Variants in TNNI3K observed in about 807,000 individuals in gnomAD.
TNNI3K encodes serine/threonine-protein kinase TNNI3K.
Under a neutral mutation model 114.5 loss-of-function variants are expected in TNNI3K, and 140 were observed. The observed-to-expected ratio is 1.22, with a 90% CI of 1.07 to 1.41. The LOEUF (loss-of-function observed/expected upper bound fraction) is 1.41. Ranked by LOEUF, TNNI3K falls within the 40% of genes most tolerant of loss-of-function variation. The pLI is 0.00. For missense variants in TNNI3K, 1,125 were observed against 1,007.6 expected (o/e 1.12, Z -1.58); for synonymous variants, 347 against 347.5 (o/e 1.00, Z 0.02).
At chr1:74,450,557 GA>G (rs947674572) in intron 20 of TNNI3K, among the ~76,000 whole-genome samples, 77 of 151,500 alleles carry the variant, frequency 5.1e-4, no homozygotes, top group African/African-American at 1.4e-3. Flanking sequence ...AAATTTACAT[GA>G]AAAAAAACCC....
intron 5 of TNNI3K, among the ~76,000 whole-genome samples, chr1:74,310,774 T>C (rs1658945296): frequency 6.6e-6 from 1 of 152,220 alleles, no homozygotes; most frequent in Non-Finnish European, 1.5e-5. Flanking sequence ...TTAATGTTTT[T>C]TAATGAACTA....
At chr1:74,450,169 G>A (rs1437166072) in intron 20 of TNNI3K, among the ~76,000 whole-genome samples, 4 of 149,260 alleles carry the variant, frequency 2.7e-5, no homozygotes, top group Non-Finnish European at 5.9e-5. Context: ...GGTACATAAC[G>A]AAATGAAGGC....
chr1:74,298,637 A>G (rs149702945), intron 5 of TNNI3K, among the ~76,000 whole-genome samples: 1 of 152,208 alleles, frequency 6.6e-6, no homozygotes, highest in East Asian at 1.9e-4. Flanking sequence ...TCCTCAAATC[A>G]TAATAACTTT....
intron 23 of TNNI3K, among the ~76,000 whole-genome samples, chr1:74,531,517 G>A (rs1002455468): frequency 2.6e-5 from 4 of 152,246 alleles, no homozygotes; most frequent in Middle Eastern, 6.8e-3. Flanking sequence ...GCATAGAAAG[G>A]CATTTACCCC....
chr1:74,401,669 A>T (rs144113090), intron 17 of TNNI3K, among the ~76,000 whole-genome samples: 22 of 152,330 alleles, frequency 1.4e-4, no homozygotes, highest in African/African-American at 4.8e-4. Context: ...TCCCATTAGG[A>T]GGTTAAGAGA....
intron 21 of TNNI3K, among the ~76,000 whole-genome samples, chr1:74,465,369 C>T (rs552071336): frequency 7.7e-4 from 118 of 152,294 alleles, no homozygotes; most frequent in Non-Finnish European, 1.2e-3. Flanking sequence ...GGCCGGTGGG[C>T]GCCACTCCAG....
At chr1:74,422,883 G>A (rs879603319) in intron 17 of TNNI3K, among the ~76,000 whole-genome samples, 1 of 152,058 alleles carries the variant, frequency 6.6e-6, no homozygotes, top group Non-Finnish European at 1.5e-5. Flanking sequence ...CTAATCATGT[G>A]TCACTTCCAT....
chr1:74,363,236 T>G (rs2100504206), intron 11 of TNNI3K, among the ~76,000 whole-genome samples: 1 of 152,038 alleles, frequency 6.6e-6, no homozygotes, highest in Admixed American at 6.6e-5. Flanking sequence ...GGGTTTTGGG[T>G]TTCTTTCCAT....
At chr1:74,337,976 T>C (rs1660560997) in intron 7 of TNNI3K, among the ~76,000 whole-genome samples, 1 of 152,108 alleles carries the variant, frequency 6.6e-6, no homozygotes, top group Non-Finnish European at 1.5e-5. Flanking sequence ...CTAGTGTTTT[T>C]CTATTATGAA....
At chr1:74,493,935 T>C (rs944342751) in intron 23 of TNNI3K, among the ~76,000 whole-genome samples, 2 of 152,172 alleles carry the variant, frequency 1.3e-5, no homozygotes, top group African/African-American at 4.8e-5. Context: ...CAAAGCCATA[T>C]GGCAAAAGGC....
chr1:74,516,599 A>G (rs1201046498), intron 23 of TNNI3K, among the ~76,000 whole-genome samples: 2 of 152,118 alleles, frequency 1.3e-5, no homozygotes, highest in East Asian at 3.9e-4. Context: ...GCTGCTTGAG[A>G]CCTGGACCGT....
chr1:74,367,682 C>T (rs1007764725), intron 12 of TNNI3K, among the ~76,000 whole-genome samples: 1 of 151,916 alleles, frequency 6.6e-6, no homozygotes, highest in Non-Finnish European at 1.5e-5. Context: ...TATCCAGAGA[C>T]AAATTAAATC....
intron 23 of TNNI3K, among the ~76,000 whole-genome samples, chr1:74,530,474 C>T (rs909073109): frequency 7.9e-5 from 12 of 152,144 alleles, no homozygotes; most frequent in African/African-American, 2.6e-4. Flanking sequence ...GAGTCCCTGG[C>T]GCTTAGCAGG....
At chr1:74,329,427 G>T (rs1660082274) in intron 5 of TNNI3K, among the ~76,000 whole-genome samples, 1 of 152,018 alleles carries the variant, frequency 6.6e-6, no homozygotes, top group Non-Finnish European at 1.5e-5. Flanking sequence ...TATTAACAAA[G>T]AAAATTGTTG....
intron 17 of TNNI3K, among the ~76,000 whole-genome samples, chr1:74,413,680 C>T (rs12028841): frequency 0.21 from 31,716 of 152,052 alleles, 4,153 homozygotes; most frequent in Middle Eastern, 0.32. Flanking sequence ...TGAATACAAG[C>T]GCCGAAAATT....
At chr1:74,480,521 G>T (rs1668434947) in intron 21 of TNNI3K, 2 of 717,344 alleles carry the variant, frequency 2.8e-6, no homozygotes, top group Admixed American at 2.0e-5. Context: ...TTGAGGCAGG[G>T]GCCGGAAGGC....
chr1:74,501,973 T>A (rs1669657596), intron 23 of TNNI3K, among the ~76,000 whole-genome samples: 1 of 152,200 alleles, frequency 6.6e-6, no homozygotes, highest in South Asian at 2.1e-4. Flanking sequence ...GAGTGAATTT[T>A]ATTTTTTCTG....
rs780491410 is a variant in TNNI3K, at chr1:74,540,298, C to A, written c.2416C>A (p.Pro806Thr). ...EEMKRSLQYT[P>T]IDKYGYVSDP... is the part of the protein sequence containing the mutation. ...GATGAAAAGAAGTCTTCAATACACA[C>A]CCATTGACAAATATGGTAAGTAGGC... Residue 806 changes from proline (P) to threonine (T), a missense_variant, in exon 24 of 25, where the codon CCC becomes ACC. Physicochemically the swap from Pro to Thr is conservative, Grantham distance 38 (BLOSUM62 -1). Coordinates refer to ENST00000326637, the MANE Select transcript of TNNI3K (RefSeq NM_015978.3). The A allele has an allele frequency of 3.7e-6, 6 of 1,611,582 alleles. No individual in the cohort carries two copies. In the African/African-American group the frequency reaches 5.3e-5, roughly 14 times the overall value.
chr1:74,249,659 C>A, intron 3 of TNNI3K, 115 bp downstream of exon 3: 2 of 1,035,582 alleles, frequency 1.9e-6, no homozygotes, highest in South Asian at 2.4e-5. Flanking sequence ...TTCCCTTCTG[C>A]TTTGCCTTTT....
Sources: gnomAD v4.1 joint callset for allele counts (sites outside exome capture counted in the v4.1 genomes callset) on GRCh38, gnomAD v4.1.1 for gene constraint, MANE v1.5 for transcripts, NCBI Gene and HGNC (gene_info 2026-07-23, HGNC 2026-07-21) for gene names.